DCHS1: variants seen among roughly 807,000 people sequenced by gnomAD.
DCHS1 encodes the protein dachsous cadherin-related 1.
Under a neutral mutation model 213.9 loss-of-function variants are expected in DCHS1, and 78 were observed. The observed-to-expected ratio is 0.36, with a 90% confidence interval of 0.30 to 0.44. DCHS1 has a LOEUF of 0.44. Among genes scored for constraint, DCHS1 ranks in the 20% least tolerant of loss-of-function variants. DCHS1 has a pLI of 1.00. For synonymous variants in DCHS1, 1,828 were observed against 1,873.7 expected (o/e 0.98, Z 0.63); for missense variants, 3,946 against 4,395.9 (o/e 0.90, Z 2.89).
At chr11:6,624,670 G>A (rs1855764622) in intron 20 of DCHS1, 60 bp downstream of exon 20, 1 of 1,605,388 alleles carries the variant, frequency 6.2e-7, no homozygotes, top group South Asian at 1.1e-5. Flanking sequence ...TTCAAGGAAT[G>A]AGGTCAGATT....
rs201076402 is a variant in DCHS1, at chr11:6,631,361, G to A, written c.3722C>T (p.Ala1241Val). The A allele has an allele frequency of 1.2e-5, 20 of 1,613,944 alleles. No homozygotes were observed. Among genetic ancestry groups the A allele is most frequent in the East Asian group, 1.1e-4 (5 of 44,876 alleles). ...ATTCTCCCCCTCATCTGGATCCTTC[G>A]CCTGCAGAGTCGTCACCAGTGTTCC... The part of the protein sequence containing the change: ...PPGTLVTTLQ[A>V]KDPDEGENGT... Residue 1241 changes from alanine to valine, a missense_variant, in exon 8 of 21, where the codon GCG (alanine) becomes GTG (valine). This residue lies in a region of DCHS1 where 3,384 missense variants were observed against 3,780.1 expected (regional missense o/e 0.90). Coordinates refer to ENST00000299441, the MANE Select transcript of DCHS1 (RefSeq NM_003737.4).
At position 6,641,530 on chromosome 11, in the gene DCHS1, C is replaced by A. The variant is rs1446765210; in HGVS notation, c.84G>T (p.Leu28=). The A allele has an allele frequency of 6.4e-7, 1 of 1,554,294 alleles. No individual in the cohort carries two copies. The highest frequency in any genetic ancestry group is 8.7e-7 in the Non-Finnish European group (1 of 1,149,158). The change falls in exon 2 of 21, where the codon CTG becomes CTT. Residue 28 remains leucine (L), a synonymous_variant. Transcript: ENST00000299441. The surrounding 1 kb of genome is among the most constrained non-coding windows in gnomAD (Gnocchi z 7.1). ...RPHLLLPLLL[L]LLLLLGAGVP... ...CCCCAGCCCCCAGCAGCAGCAGCAG[C>A]AGCAGCAGCAATGGTAGCAGGAGGT... is the stretch of plus-strand genomic sequence containing the variant.
rs776149182 is a variant in DCHS1 at position 6,625,552 on chromosome 11, T to A, written c.6862+45A>T. Reference sequence around the variant, plus strand: ...CCTTGAGCTGCAGGGTGGAGAAAAATGTCTCTCTGCCACCCTTTATGCCAC... The same window carrying A: ...CCTTGAGCTGCAGGGTGGAGAAAAAAGTCTCTCTGCCACCCTTTATGCCAC... On this transcript the variant is annotated intron_variant, in intron 18 of 20. Coordinates refer to ENST00000299441, the MANE Select transcript of DCHS1 (RefSeq NM_003737.4). This position sits in a 1 kb window ranked among gnomAD's most constrained non-coding sequence, Gnocchi z 5.3. 3 of 1,612,102 alleles carry A rather than the reference T, an allele frequency of 1.9e-6. No homozygotes were observed. In the South Asian group the frequency reaches 3.3e-5, roughly 18 times the overall value.
In DCHS1 at chr11:6,640,437, G is replaced by A. The variant is rs769873436; in HGVS notation, c.1177C>T (p.Pro393Ser). 18 of 1,613,812 alleles carry A rather than the reference G, an allele frequency of 1.1e-5. No individual in the cohort carries two copies. The highest frequency in any genetic ancestry group is 3.4e-6 in the Non-Finnish European group (4 of 1,179,900). ...ACATGGGCAAAGTCACCATCATCTG[G>A]GTCTGACACAGAGATGCGAGCAACG... ...QLVARISVSD[P>S]DDGDFAHVNV... The change falls in exon 2 of 21, where the codon CCA (proline) becomes TCA (serine). Residue 393 changes from proline (P) to serine (S), a missense_variant. Pro to Ser is a moderately conservative substitution (Grantham distance 74). Around this residue, in one of 3 missense-constraint regions of DCHS1, gnomAD observed 3,384 missense variants for 3,780.1 expected, o/e 0.90. Transcript: ENST00000299441. The surrounding 1 kb of genome is among the most constrained non-coding windows in gnomAD (Gnocchi z 6.5).
rs764531485 is a variant in DCHS1 at position 6,621,991 on chromosome 11, T to C, written c.9685A>G (p.Ile3229Val). ...KPANTAAARA[I>V]FPPASHRSPI... ...GAGCGGTGAGAAGCTGGTGGGAAGA[T>C]GGCCCGGGCTGCAGCTGTGTTTGCT... Residue 3229 changes from isoleucine (I) to valine (V), a missense_variant, in exon 21 of 21, where the codon ATC (isoleucine) becomes GTC (valine). Coordinates refer to ENST00000299441, the MANE Select transcript of DCHS1 (RefSeq NM_003737.4). The C allele has an allele frequency of 9.9e-6, 16 of 1,611,942 alleles. No individual in the cohort carries two copies. Among genetic ancestry groups the C allele is most frequent in the Non-Finnish European group, 4.2e-6 (5 of 1,179,556 alleles).
chr11:6,621,591 G>A lies in DCHS1; in HGVS notation c.*188C>T. 1 of 741,788 alleles carries A rather than the reference G, an allele frequency of 1.3e-6. No homozygotes were observed. The highest frequency in any genetic ancestry group is 2.0e-5 in the Admixed American group (1 of 49,938). The allele number at this position is 741,788 out of a possible 1,614,324, so 46.0% of individuals were successfully genotyped here. On this transcript the variant is annotated 3_prime_UTR_variant, in exon 21 of 21. Coordinates refer to ENST00000299441, the MANE Select transcript of DCHS1 (RefSeq NM_003737.4). ...CCACATTGGACCTGGTCACAGGTCA[G>A]TGAGCAACAGGGCTTCTGTGGTCCT...
At chr11:6,654,419 G>A (rs1370126399) in intron 1 of DCHS1, among the ~76,000 whole-genome samples, 1 of 152,194 alleles carries the variant, frequency 6.6e-6, no homozygotes, top group South Asian at 2.1e-4. Context: ...AGAGGTGCTG[G>A]TCTACTTGTT....
In DCHS1 at chr11:6,623,196, C is replaced by G. The variant is rs35599968; in HGVS notation, c.8480G>C (p.Arg2827Pro). The G allele has an allele frequency of 0.074, 118,183 of 1,600,716 alleles. 5,109 individuals are homozygous for G. The highest frequency in any genetic ancestry group is 0.089 in the Non-Finnish European group (103,981 of 1,173,512). The change falls in exon 21 of 21, where the codon CGG becomes CCG. Residue 2827 changes from arginine to proline, a missense_variant. Physicochemically the swap from Arg to Pro is moderately radical, Grantham distance 103. Coordinates refer to ENST00000299441, the MANE Select transcript of DCHS1 (RefSeq NM_003737.4). ...AFHFQVPEGA[R>P]RGHSLGHVQA... ...CACGTGACCCAAGCTGTGGCCACGC[C>G]GGGCACCTTCGGGCACTTGGAAGTG...
chr11:6,655,032 C>G (rs906132599), intron 1 of DCHS1, among the ~76,000 whole-genome samples: 9 of 152,146 alleles, frequency 5.9e-5, no homozygotes, highest in African/African-American at 2.2e-4. Flanking sequence ...TGCCTCTCCT[C>G]TGCTTCTCTG....
chr11:6,625,059 T>C lies in DCHS1; in HGVS notation c.7146+139A>G. ...GGGTACAGGATGCAAAACCAGGATG[T>C]AGTTCACAGGACTTGGGACCTTCCC... On this transcript the variant is annotated intron_variant, in intron 19 of 20. Transcript: ENST00000299441. The surrounding 1 kb of genome is among the most constrained non-coding windows in gnomAD (Gnocchi z 5.3). The C allele has an allele frequency of 7.3e-6, 10 of 1,379,172 alleles. 1 individual carries two copies. Among genetic ancestry groups the C allele is most frequent in the Non-Finnish European group, 8.9e-6 (9 of 1,016,118 alleles). The allele number at this position is 1,379,172 out of a possible 1,614,324, so 85.4% of individuals were successfully genotyped here. A position where few individuals can be genotyped will look rare whatever the true frequency, so the allele number is the denominator to read the frequency against.
chr11:6,636,134 G>A (rs1855982507), intron 2 of DCHS1, among the ~76,000 whole-genome samples: 1 of 152,126 alleles, frequency 6.6e-6, no homozygotes, highest in Admixed American at 6.5e-5. Flanking sequence ...TACTAGCCTC[G>A]AAACTTACTC....
chr11:6,625,920 C>T lies in DCHS1; in HGVS notation c.6731G>A (p.Arg2244Gln), dbSNP rs142067148. 6.8e-6 allele frequency: 11 copies of T among 1,612,640 alleles called. No individual in the cohort carries two copies. The highest frequency in any genetic ancestry group is 4.5e-5 in the East Asian group (2 of 44,848). Residue 2244 changes from arginine to glutamine, a missense_variant and splice_region_variant, in exon 17 of 21, where the codon CGG (arginine) becomes CAG (glutamine). Physicochemically the swap from Arg to Gln is conservative, Grantham distance 43 (BLOSUM62 1). This residue lies in a region of DCHS1 where 3,384 missense variants were observed against 3,780.1 expected (regional missense o/e 0.90). Transcript: ENST00000299441. The surrounding 1 kb of genome is among the most constrained non-coding windows in gnomAD (Gnocchi z 5.3). ...TTGGGTCCACAGGGCCAGGCCTCAC[C>T]GTGTTTCAGCCCAGATCTCACGGTC... Reference protein sequence around the residue: ...ILDREIWAETRLVLMATDRGS... With the variant: ...ILDREIWAETQLVLMATDRGS...
Position 6,641,068 on chromosome 11 carries a change from T to A in DCHS1, c.546A>T (p.Leu182=). 1 of 1,613,988 alleles carries A rather than the reference T, an allele frequency of 6.2e-7. No homozygotes were observed. The highest frequency in any genetic ancestry group is 8.5e-7 in the Non-Finnish European group (1 of 1,179,886). Residue 182 remains leucine, a synonymous_variant, in exon 2 of 21, where the codon CTA becomes CTT. Coordinates refer to ENST00000299441, the MANE Select transcript of DCHS1 (RefSeq NM_003737.4). This position sits in a 1 kb window ranked among gnomAD's most constrained non-coding sequence, Gnocchi z 7.1. ...AGGTCTCTCCAGCCCCATCACCAGATAGCGCATAGCCCTGGGTTCCCAGAC... is the reference window on the plus strand; with the variant it reads ...AGGTCTCTCCAGCCCCATCACCAGAAAGCGCATAGCCCTGGGTTCCCAGAC... ...AGRLGTQGYA[L]SGDGAGETFR...
rs987804969 is a variant in DCHS1, at chr11:6,625,399, T to C, written c.6945A>G (p.Pro2315=). The change falls in exon 19 of 21, where the codon CCA becomes CCG. Residue 2315 remains proline, a synonymous_variant. Coordinates refer to ENST00000299441, the MANE Select transcript of DCHS1 (RefSeq NM_003737.4). This position sits in a 1 kb window ranked among gnomAD's most constrained non-coding sequence, Gnocchi z 5.3. Reference sequence around the variant, plus strand: ...CACTGAAGGGATCCTGGGGCCCAGATGGGCTTAGCACATACCACAGCACGG... The same window carrying C: ...CACTGAAGGGATCCTGGGGCCCAGACGGGCTTAGCACATACCACAGCACGG... ...SGPVLWYVLS[P]SGPQDPFSVG... is the part of the protein sequence containing the mutation. 1.9e-6 allele frequency: 3 copies of C among 1,611,652 alleles called. No individual in the cohort carries two copies. The Admixed American group carries it at 5.0e-5, about 27-fold the overall frequency.
chr11:6,648,084 G>C (rs755855115), intron 1 of DCHS1, among the ~76,000 whole-genome samples: 5 of 152,200 alleles, frequency 3.3e-5, no homozygotes, highest in Non-Finnish European at 7.3e-5. Context: ...AGCCATTTTG[G>C]GGGGTGACTG....
At chr11:6,647,978 G>T (rs1193064490) in intron 1 of DCHS1, among the ~76,000 whole-genome samples, 1 of 152,202 alleles carries the variant, frequency 6.6e-6, no homozygotes, top group Non-Finnish European at 1.5e-5. Flanking sequence ...GACTCTCCAG[G>T]AAGATGAGGG....
At position 6,639,856 on chromosome 11, in the gene DCHS1, T is replaced by C. The variant is rs1304143940; in HGVS notation, c.1758A>G (p.Ser586=). The change falls in exon 2 of 21, where the codon TCA becomes TCG. Residue 586 remains serine (S), a synonymous_variant. Coordinates refer to ENST00000299441, the MANE Select transcript of DCHS1 (RefSeq NM_003737.4). Reference sequence around the variant, plus strand: ...TTCCAGGCTGGGTGCCCTCAGGCAGTGAGGCATTGTAGAAAGTCCTCTGGA... The same window carrying C: ...TTCCAGGCTGGGTGCCCTCAGGCAGCGAGGCATTGTAGAAAGTCCTCTGGA... ...PQFQRTFYNA[S]LPEGTQPGTC... is the part of the protein sequence containing the mutation. 1.9e-6 allele frequency: 3 copies of C among 1,610,832 alleles called. No homozygotes were observed. In the African/African-American group the frequency reaches 4.0e-5, roughly 21 times the overall value.
rs921789309 is a variant in DCHS1, at chr11:6,625,846, A to G, written c.6731+74T>C. On this transcript the variant is annotated intron_variant, in intron 17 of 20. Coordinates refer to ENST00000299441, the MANE Select transcript of DCHS1 (RefSeq NM_003737.4). This position sits in a 1 kb window ranked among gnomAD's most constrained non-coding sequence, Gnocchi z 5.3. ...GAATTCAGGATGTGGCCAAGGGACCAGATGAGTTCAAGGCAGGGCTTGAAA... is the reference window on the plus strand; with the variant it reads ...GAATTCAGGATGTGGCCAAGGGACCGGATGAGTTCAAGGCAGGGCTTGAAA... 3 of 1,588,452 alleles carry G rather than the reference A, an allele frequency of 1.9e-6. No individual in the cohort carries two copies. In the African/African-American group the frequency reaches 4.0e-5, roughly 21 times the overall value.
chr11:6,627,467 G>A lies in DCHS1; in HGVS notation c.5572C>T (p.Pro1858Ser), dbSNP rs1031648204. ...TCCGGCACCTCCACCGAGTAGGCAG[G>A]CACAGGAAAGGCTGGAGCATGGTCA... ...ANDHAPAFPV[P>S]AYSVEVPEDV... The change falls in exon 14 of 21, where the codon CCT becomes TCT. Residue 1858 changes from proline (P) to serine (S), a missense_variant. By Grantham distance (74) the Pro-to-Ser change is moderately conservative. This residue lies in a region of DCHS1 where 3,384 missense variants were observed against 3,780.1 expected (regional missense o/e 0.90). Transcript: ENST00000299441. The surrounding 1 kb of genome is among the most constrained non-coding windows in gnomAD (Gnocchi z 5.4). The A allele has an allele frequency of 1.2e-6, 2 of 1,611,246 alleles. No individual in the cohort carries two copies. Among genetic ancestry groups the A allele is most frequent in the Non-Finnish European group, 8.5e-7 (1 of 1,178,822 alleles).
Sources: allele counts gnomAD v4.1 joint callset (sites outside exome capture counted in the v4.1 genomes callset), GRCh38; gene constraint gnomAD v4.1.1; regional missense constraint gnomAD v4.1.1; non-coding constraint Gnocchi (gnomAD v3.1); transcripts MANE v1.5; gene names NCBI Gene and HGNC (gene_info 2026-07-23, HGNC 2026-07-21).